Variants in AOPEP observed in about 807,000 individuals in gnomAD.
The protein encoded by AOPEP is aminopeptidase O (putative).
AOPEP carries 77 observed loss-of-function variants against 98.1 expected under a neutral mutation model. The ratio of observed to expected loss-of-function variants is 0.78; its 90% CI spans 0.65 to 0.95. AOPEP has a LOEUF of 0.95. Among genes scored for constraint, AOPEP ranks in the 40% least tolerant of loss-of-function variants. The pLI, the probability that AOPEP is intolerant of heterozygous loss-of-function variation, is 0.00. For synonymous variants in AOPEP, 346 were observed against 365.3 expected, an observed-to-expected ratio of 0.95 and a Z score of 0.60; for missense variants, 1,024 against 1,024.7, an observed-to-expected ratio of 1.00 and a Z score of 0.01.
chr9:94,768,738 A>C (rs1464729371), intron 2 of AOPEP, among the ~76,000 whole-genome samples: 1 of 152,222 alleles, frequency 6.6e-6, no homozygotes, highest in Non-Finnish European at 1.5e-5. Flanking sequence ...TGTGCAGTTA[A>C]TCTGGGCTCC....
At chr9:94,823,861 G>A (rs1853840695) in intron 5 of AOPEP, among the ~76,000 whole-genome samples, 1 of 152,180 alleles carries the variant, frequency 6.6e-6, no homozygotes, top group African/African-American at 2.4e-5. Context: ...CTATCACTTT[G>A]TGGAAGCCAT....
rs950387262 is a variant in AOPEP at position 95,086,778 on chromosome 9, C to T, written c.*101C>T. 1.0e-6 allele frequency: 1 copy of T among 987,904 alleles called. No homozygotes were observed. Among genetic ancestry groups the T allele is most frequent in the African/African-American group, 1.7e-5 (1 of 57,280 alleles). The allele number at this position is 987,904 out of a possible 1,614,324, so 61.2% of individuals were successfully genotyped here. ...CATCAAAGGAGGGATTATGTGGCTG[C>T]TAAAGCCATCGGCCCACAGCCCTGT... On this transcript the variant is annotated 3_prime_UTR_variant, in exon 17 of 17. Coordinates refer to ENST00000375315, the MANE Select transcript of AOPEP (RefSeq NM_001193329.3).
At position 95,006,008 on chromosome 9, in the gene AOPEP, T is replaced by C. The variant is rs374345941; in HGVS notation, c.2115+392T>C. 48 of 477,584 alleles carry C rather than the reference T, an allele frequency of 1.0e-4. No homozygotes were observed. In the East Asian group the frequency reaches 2.1e-3, roughly 21 times the overall value. The allele number at this position is 477,584 out of a possible 1,614,324, so 29.6% of individuals were successfully genotyped here. On this transcript the variant is annotated intron_variant, in intron 13 of 16. Transcript: ENST00000375315. ...TACTTTCTCTCACCTAGACTTTAAATTGGAGTCATCTAAGAAATAGAGAGA... is the reference window on the plus strand; with the variant it reads ...TACTTTCTCTCACCTAGACTTTAAACTGGAGTCATCTAAGAAATAGAGAGA...
intron 1 of AOPEP, among the ~76,000 whole-genome samples, chr9:94,754,900 A>G (rs775921837): frequency 1.3e-5 from 2 of 152,178 alleles, no homozygotes; most frequent in Non-Finnish European, 2.9e-5. Flanking sequence ...AAATGGGTGC[A>G]TTCCACTTTG....
chr9:95,077,277 C>T (rs1452451441), intron 14 of AOPEP, among the ~76,000 whole-genome samples: 1 of 152,232 alleles, frequency 6.6e-6, no homozygotes, highest in Non-Finnish European at 1.5e-5. Flanking sequence ...ACTGCCCCGG[C>T]TCCCAGACAG....
rs1564051601 is a variant in AOPEP, at chr9:94,743,187, A to AGAG, written c.-136+16438_-136+16439insGGA. 9.6e-3 allele frequency among the ~76,000 whole-genome samples: 1,140 copies of AGAG among 119,208 alleles called. 11 individuals carry two copies. Among genetic ancestry groups the AGAG allele is most frequent in the South Asian group, 0.014 (46 of 3,346 alleles). 78.2% of individuals were successfully genotyped at this position (119,208 alleles called of 152,430 possible). A position where few individuals can be genotyped will look rare whatever the true frequency, so the allele number is the denominator to read the frequency against. On this transcript the variant is annotated intron_variant, in intron 1 of 16. Transcript: ENST00000375315. ...ATATAAAAGAAGAAGAAGAAGAAGA[A>AGAG]GAAGAAGAAGAAGAGGAAGAAGAGG...
At chr9:94,852,792 A>G (rs148831010) in intron 5 of AOPEP, among the ~76,000 whole-genome samples, 1 of 152,234 alleles carries the variant, frequency 6.6e-6, no homozygotes, top group Non-Finnish European at 1.5e-5. Flanking sequence ...CATCTTTAAG[A>G]TTATATATAT....
the AOPEP span, chr9:95,107,398 G>T: frequency 1.0e-6 from 1 of 988,420 alleles, no homozygotes; most frequent in Non-Finnish European, 1.5e-6. Flanking sequence ...GAGGGAGCTA[G>T]GCAGCGGCCG....
intron 5 of AOPEP, among the ~76,000 whole-genome samples, chr9:94,883,666 C>G (rs2047854851): frequency 6.6e-6 from 1 of 152,310 alleles, no homozygotes; most frequent in East Asian, 1.9e-4. Context: ...CAGTATAGAT[C>G]ATGATGTATT....
At chr9:95,011,257 C>T (rs2062489603) in intron 13 of AOPEP, among the ~76,000 whole-genome samples, 1 of 150,656 alleles carries the variant, frequency 6.6e-6, no homozygotes, top group Non-Finnish European at 1.5e-5. Context: ...CACTCTGTCC[C>T]CCAGGCTGGA....
At chr9:94,765,426 C>A (rs1004168751) in intron 2 of AOPEP, among the ~76,000 whole-genome samples, 4 of 110,850 alleles carry the variant, frequency 3.6e-5, no homozygotes, top group African/African-American at 1.3e-4. Flanking sequence ...ATGGTGAAAC[C>A]CCTTCTCTAC....
chr9:94,733,594 A>G (rs1296613850), intron 1 of AOPEP, among the ~76,000 whole-genome samples: 4 of 152,206 alleles, frequency 2.6e-5, no homozygotes, highest in Admixed American at 1.3e-4. Flanking sequence ...TTCAGCATAT[A>G]TACCTTAGCC....
chr9:94,963,030 C>T (rs1243432520), intron 9 of AOPEP, among the ~76,000 whole-genome samples: 1 of 152,148 alleles, frequency 6.6e-6, no homozygotes, highest in Non-Finnish European at 1.5e-5. Flanking sequence ...AGGCGTGAGC[C>T]ACCGCATCCA....
intron 5 of AOPEP, among the ~76,000 whole-genome samples, chr9:94,885,729 T>C (rs1265632050): frequency 6.6e-6 from 1 of 152,182 alleles, no homozygotes; most frequent in Non-Finnish European, 1.5e-5. Context: ...TAAGAACCAC[T>C]GGAATAGACA....
rs150331858 is a variant in AOPEP, at chr9:94,848,846, A to G, written c.1364+47844A>G. 5.9e-4 allele frequency among the ~76,000 whole-genome samples: 90 copies of G among 152,106 alleles called. No individual in the cohort carries two copies. The Middle Eastern group carries it at 0.01, about 17-fold the overall frequency. On this transcript the variant is annotated intron_variant, in intron 5 of 16. Coordinates refer to ENST00000375315, the MANE Select transcript of AOPEP (RefSeq NM_001193329.3). ...CCCTTGTCACCCAGGCTGGAGTGCA[A>G]TGGCACTGCAGCCTCCACTTCCTGG...
chr9:94,745,265 T>G (rs1002146722), intron 1 of AOPEP, among the ~76,000 whole-genome samples: 2 of 151,168 alleles, frequency 1.3e-5, no homozygotes, highest in Non-Finnish European at 2.9e-5. Flanking sequence ...TCTGCATGAG[T>G]TCAATTGTTT....
chr9:95,080,655 C>A, intron 14 of AOPEP, 39 bp from the exon 15 acceptor site: 1 of 1,521,198 alleles, frequency 6.6e-7, no homozygotes, highest in Non-Finnish European at 9.1e-7. Context: ...GGGATGCCTG[C>A]CTGCTTGTCG....
chr9:95,082,418 A>G (rs933861803), intron 15 of AOPEP, among the ~76,000 whole-genome samples, 157 bp from the exon 16 acceptor site: 3 of 152,224 alleles, frequency 2.0e-5, no homozygotes, highest in African/African-American at 7.2e-5. Context: ...TGCAGCTTCC[A>G]AAAGCACAGT....
At chr9:94,792,722 T>C in intron 3 of AOPEP, 43 bp from the exon 4 acceptor site, 1 of 1,520,756 alleles carries the variant, frequency 6.6e-7, no homozygotes, top group Non-Finnish European at 8.9e-7. Flanking sequence ...GAGCCCAGGA[T>C]CATATATTGG....
Sources: gnomAD v4.1 joint callset for allele counts (sites outside exome capture counted in the v4.1 genomes callset) on GRCh38, gnomAD v4.1.1 for gene constraint, MANE v1.5 for transcripts, NCBI Gene and HGNC (gene_info 2026-07-23, HGNC 2026-07-21) for gene names.